The following USP6 variants were observed in gnomAD, a reference collection of about 807,000 sequenced individuals.
The protein encoded by USP6 is ubiquitin specific peptidase 6.
In USP6, 128 loss-of-function variants were observed where a neutral mutation model predicts 175.7. The ratio of observed to expected loss-of-function variants is 0.73; its 90% CI spans 0.63 to 0.84. The LOEUF is 0.84. USP6 is among the 40% of genes least tolerant of loss of function. The probability of loss-of-function intolerance (pLI) is 0.00; values close to 1 mark genes in which losing one functional copy is unlikely to be tolerated. For synonymous variants in USP6, 562 were observed against 630.6 expected (o/e 0.89, Z 1.63); for missense variants, 1,498 against 1,760.3 (o/e 0.85, Z 2.67).
chr17:5,171,067 G>A lies in USP6; in HGVS notation c.3954+152G>A. On this transcript the variant is annotated intron_variant, in intron 36 of 37. Transcript: ENST00000574788. Reference sequence around the variant, plus strand: ...GTTAACATTGAAATCTGGGCTCACAGATGTGGTGTGGTGGCTCACACCTGT... The same window carrying A: ...GTTAACATTGAAATCTGGGCTCACAAATGTGGTGTGGTGGCTCACACCTGT... 4.8e-6 allele frequency: 5 copies of A among 1,050,064 alleles called. No homozygotes were observed. In the East Asian group the frequency reaches 1.0e-4, roughly 22 times the overall value. The allele number at this position is 1,050,064 out of a possible 1,614,324, so 65.0% of individuals were successfully genotyped here.
intron 13 of USP6, 146 bp from the exon 14 acceptor site, chr17:5,133,297 C>T: frequency 6.2e-6 from 6 of 964,878 alleles, no homozygotes; most frequent in Non-Finnish European, 9.6e-6. Context: ...TCTTTCAGTC[C>T]TGGGAAGGGA....
At chr17:5,141,214 A>C (rs1399812811) in intron 22 of USP6, among the ~76,000 whole-genome samples, 2 of 152,084 alleles carry the variant, frequency 1.3e-5, no homozygotes, top group Non-Finnish European at 2.9e-5. Flanking sequence ...GTGTAGGTAC[A>C]CTCCGTGATG....
In USP6 at chr17:5,173,087, C is replaced by G; in HGVS notation, c.*109C>G. On this transcript the variant is annotated 3_prime_UTR_variant, in exon 38 of 38. Transcript: ENST00000574788. Reference sequence around the variant, plus strand: ...GACAAGCTAAATGTAGTTATTTTATCCTGTTAGAACAAAAATTCTAATTAA... The same window carrying G: ...GACAAGCTAAATGTAGTTATTTTATGCTGTTAGAACAAAAATTCTAATTAA... 1.5e-6 allele frequency: 2 copies of G among 1,324,770 alleles called. No individual in the cohort carries two copies. Among genetic ancestry groups the G allele is most frequent in the Non-Finnish European group, 2.0e-6 (2 of 976,860 alleles). The allele number at this position is 1,324,770 out of a possible 1,614,324, so 82.1% of individuals were successfully genotyped here.
intron 17 of USP6, 104 bp from the exon 18 acceptor site, chr17:5,136,536 G>A: frequency 7.1e-7 from 1 of 1,400,976 alleles, no homozygotes; most frequent in East Asian, 2.3e-5. Context: ...GAGGGCGGGA[G>A]GCCTTGGGGT....
chr17:5,166,558 C>G (rs2074100209), intron 33 of USP6, among the ~76,000 whole-genome samples: 1 of 152,080 alleles, frequency 6.6e-6, no homozygotes, highest in Non-Finnish European at 1.5e-5. Context: ...GGGTGATGGA[C>G]ATATGTGACA....
chr17:5,117,589 G>A (rs547722079), intron 1 of USP6, among the ~76,000 whole-genome samples: 19 of 151,502 alleles, frequency 1.3e-4, no homozygotes, highest in African/African-American at 3.4e-4. Context: ...GAATATATAT[G>A]TCACAATAAG....
chr17:5,170,434 T>G, intron 35 of USP6, 45 bp from the exon 36 acceptor site: 2 of 1,540,156 alleles, frequency 1.3e-6, no homozygotes, highest in South Asian at 1.3e-5. Flanking sequence ...TGGCTTACTT[T>G]CTGGCATTTG....
At chr17:5,158,614 G>GGAGAGAGAGAGAGAGAGA in intron 31 of USP6, among the ~76,000 whole-genome samples, 1 of 26,356 alleles carries the variant, frequency 3.8e-5, no homozygotes, top group Admixed American at 5.3e-4. Flanking sequence ...AGGGAGAGGG[G>GGAGAGAGAGAGAGAGAGA]GAGAGAGAGA....
rs111452299 is a variant in USP6 at position 5,132,451 on chromosome 17, G to A, written c.195+16G>A. ...GGAGGCGAAGGTAAGAGCCTGATGC[G>A]TGGAGGGGCTGGTCCAGGGACGTAG... is the stretch of plus-strand genomic sequence containing the variant. On this transcript the variant is annotated intron_variant, in intron 12 of 37. Transcript: ENST00000574788. This position sits in a 1 kb window ranked among gnomAD's most constrained non-coding sequence, Gnocchi z 4.7. 6.8e-6 allele frequency: 11 copies of A among 1,612,116 alleles called. No individual in the cohort carries two copies. The highest frequency in any genetic ancestry group is 2.7e-5 in the African/African-American group (2 of 74,990).
In USP6 at chr17:5,132,196, A is replaced by C. The variant is rs777818785; in HGVS notation, c.156-200A>C. 7 of 1,539,624 alleles carry C rather than the reference A, an allele frequency of 4.5e-6. No homozygotes were observed. In the East Asian group the frequency reaches 7.3e-5, roughly 16 times the overall value. ...GTAACCCCAGCCAGGCTGTCCCTGC[A>C]CTCCTTCTTCTCCCAGGTCCTGCCC... On this transcript the variant is annotated intron_variant, in intron 11 of 37. Coordinates refer to ENST00000574788, the MANE Select transcript of USP6 (RefSeq NM_001304284.2). The surrounding 1 kb of genome is among the most constrained non-coding windows in gnomAD (Gnocchi z 4.7).
intron 32 of USP6, among the ~76,000 whole-genome samples, chr17:5,162,320 T>C (rs1332798345): frequency 1.3e-5 from 2 of 151,978 alleles, no homozygotes; most frequent in African/African-American, 4.8e-5. Flanking sequence ...CCCAGCTAAT[T>C]TCTGCATTTT....
In USP6 at chr17:5,168,843, A is replaced by T; in HGVS notation, c.3305A>T (p.Glu1102Val). Residue 1102 changes from glutamate (E) to valine (V), a missense_variant, in exon 35 of 38, where the codon GAA (glutamate) becomes GTA (valine). Transcript: ENST00000574788. ...CAGAAAATTGTCAGATTTCTTCGGG[A>T]AAGTTTTGATCCGAGTGCTTTTTTG... The part of the protein sequence containing the change: ...KSQKIVRFLR[E>V]SFDPSAFLVP... 6.2e-7 allele frequency: 1 copy of T among 1,611,098 alleles called. No homozygotes were observed. The highest frequency in any genetic ancestry group is 8.5e-7 in the Non-Finnish European group (1 of 1,179,062).
intron 33 of USP6, among the ~76,000 whole-genome samples, chr17:5,163,258 C>T (rs2871200): frequency 6.6e-6 from 1 of 152,120 alleles, no homozygotes; most frequent in Non-Finnish European, 1.5e-5. Context: ...TGGTAACTTA[C>T]AAAGAAAAGA....
chr17:5,142,482 G>A lies in USP6; in HGVS notation c.1798G>A (p.Val600Ile), dbSNP rs1345101215. The A allele has an allele frequency of 3.7e-6, 6 of 1,613,344 alleles. No homozygotes were observed. Among genetic ancestry groups the A allele is most frequent in the Non-Finnish European group, 5.1e-6 (6 of 1,179,614 alleles). ...QELWSGTQKS[V>I]APLKLRRTIA... is the part of the protein sequence containing the mutation. ...ACTCTGGAGTGGAACTCAGAAGAGT[G>A]TTGCCCCATTAAAGCTTCGGGTAAG... is the stretch of plus-strand genomic sequence containing the variant. Residue 600 changes from valine to isoleucine, a missense_variant, in exon 25 of 38, where the codon GTT becomes ATT. Val to Ile is a conservative substitution (Grantham distance 29, BLOSUM62 3). This residue lies in a region of USP6 where 1,217 missense variants were observed against 1,500.8 expected (regional missense o/e 0.81). Transcript: ENST00000574788.
chr17:5,147,347 G>C (rs1166014588), intron 29 of USP6, among the ~76,000 whole-genome samples, 153 bp downstream of exon 29: 2 of 152,070 alleles, frequency 1.3e-5, no homozygotes, highest in African/African-American at 4.8e-5. Flanking sequence ...ATATTTTTTC[G>C]ATGAGAAACC....
chr17:5,140,742 T>G (rs549850237), intron 22 of USP6, among the ~76,000 whole-genome samples: 1 of 152,326 alleles, frequency 6.6e-6, no homozygotes, highest in East Asian at 1.9e-4. Flanking sequence ...TCATGCCTCT[T>G]CAGCTTCCTG....
intron 31 of USP6, among the ~76,000 whole-genome samples, chr17:5,157,946 A>T (rs1487277722): frequency 6.6e-6 from 1 of 150,378 alleles, no homozygotes; most frequent in Non-Finnish European, 1.5e-5. Context: ...TTTTACCCTG[A>T]ACAATTGTTT....
chr17:5,147,032 C>T, intron 28 of USP6, 51 bp from the exon 29 acceptor site: 3 of 1,532,230 alleles, frequency 2.0e-6, no homozygotes, highest in Non-Finnish European at 1.8e-6. Context: ...GAGAACTTTT[C>T]CTTTTTATCT....
At chr17:5,157,871 C>G (rs2073918113) in intron 31 of USP6, among the ~76,000 whole-genome samples, 1 of 151,060 alleles carries the variant, frequency 6.6e-6, no homozygotes, top group South Asian at 2.1e-4. Context: ...CCTCATGATC[C>G]CACCTCAGCC....
Sources: gnomAD v4.1 joint callset for allele counts (sites outside exome capture counted in the v4.1 genomes callset) on GRCh38, gnomAD v4.1.1 for gene constraint, gnomAD v4.1.1 regional missense constraint, Gnocchi (gnomAD v3.1) non-coding constraint, MANE v1.5 for transcripts, NCBI Gene and HGNC (gene_info 2026-07-23, HGNC 2026-07-21) for gene names.